SENP7: variants seen among roughly 807,000 people sequenced by gnomAD.
SENP7 encodes sentrin-specific protease 7.
Under a neutral mutation model 141.2 loss-of-function variants are expected in SENP7, and 64 were observed. The ratio of observed to expected loss-of-function variants is 0.45; its 90% CI spans 0.37 to 0.56. SENP7 has a LOEUF of 0.56. Ranked by LOEUF, SENP7 falls within the 20% of genes least tolerant of loss-of-function variation. SENP7 has a pLI of 0.00. For synonymous variants in SENP7, 382 were observed against 426.4 expected (o/e 0.90, Z 1.28); for missense variants, 1,025 against 1,212.2 (o/e 0.85, Z 2.29).
In SENP7 at chr3:101,357,460, T is replaced by G; in HGVS notation, c.1623+4255A>C. On this transcript the variant is annotated intron_variant, in intron 11 of 23. Coordinates refer to ENST00000394095, the MANE Select transcript of SENP7 (RefSeq NM_020654.5). ...TGACTACGAAGAGACATAAGATGAT[T>G]GCCAGACCCCCAGTTATATGTTCTC... 2.5e-6 allele frequency: 3 copies of G among 1,179,430 alleles called. No individual in the cohort carries two copies. The East Asian group carries it at 7.2e-5, about 28-fold the overall frequency. 73.1% of individuals were successfully genotyped at this position (1,179,430 alleles called of 1,614,324 possible).
rs1301905405 is a variant in SENP7, at chr3:101,366,906, C to T, written c.979-137G>A. 8.4e-6 allele frequency: 5 copies of T among 594,248 alleles called. No individual in the cohort carries two copies. The East Asian group carries it at 8.7e-5, about 10-fold the overall frequency. 36.8% of individuals were successfully genotyped at this position (594,248 alleles called of 1,614,324 possible). On this transcript the variant is annotated intron_variant, in intron 8 of 23. Coordinates refer to ENST00000394095, the MANE Select transcript of SENP7 (RefSeq NM_020654.5). ...GATAGAAAACTAAACAATTATACTA[C>T]ATTATACTTGCCAATGTCTCCCAAA... is the stretch of plus-strand genomic sequence containing the variant.
intron 4 of SENP7, among the ~76,000 whole-genome samples, chr3:101,447,926 C>G (rs537885282): frequency 1.6e-4 from 24 of 152,244 alleles, no homozygotes; most frequent in African/African-American, 5.8e-4. Context: ...GAAATAAACC[C>G]TAACATTTAC....
intron 4 of SENP7, among the ~76,000 whole-genome samples, chr3:101,439,221 GAGA>G (rs2062531421): frequency 9.8e-6 from 1 of 102,202 alleles, no homozygotes; most frequent in Non-Finnish European, 2.1e-5. Context: ...CTGCCCGGCC[GAGA>G]CCCCGTCTGG....
chr3:101,373,606 TG>T (rs1364741612), intron 6 of SENP7, among the ~76,000 whole-genome samples: 109 of 152,160 alleles, frequency 7.2e-4, no homozygotes, highest in African/African-American at 2.6e-3. Context: ...AAAAGTTATA[TG>T]GTTGTAGAAA....
chr3:101,505,735 G>A (rs2065575529), intron 1 of SENP7, among the ~76,000 whole-genome samples: 1 of 152,092 alleles, frequency 6.6e-6, no homozygotes, highest in Non-Finnish European at 1.5e-5. Context: ...ACTTCTCTGA[G>A]TCTCAGTTTC....
At chr3:101,487,011 A>G (rs1247032239) in intron 3 of SENP7, among the ~76,000 whole-genome samples, 2 of 152,240 alleles carry the variant, frequency 1.3e-5, no homozygotes, top group Non-Finnish European at 2.9e-5. Flanking sequence ...CAGCAGTTAA[A>G]AGAGACAAAG....
intron 11 of SENP7, among the ~76,000 whole-genome samples, chr3:101,360,893 G>A (rs1000324020): frequency 6.6e-6 from 1 of 152,090 alleles, no homozygotes; most frequent in African/African-American, 2.4e-5. Context: ...ATTTTAAAAG[G>A]TCAAAATGGT....
At chr3:101,338,345 C>T (rs1285096174) in intron 16 of SENP7, among the ~76,000 whole-genome samples, 4 of 151,958 alleles carry the variant, frequency 2.6e-5, no homozygotes, top group African/African-American at 9.7e-5. Context: ...GAAATTGTGA[C>T]ACTGCTAAAC....
At chr3:101,481,213 C>G (rs914923652) in intron 3 of SENP7, among the ~76,000 whole-genome samples, 5 of 152,032 alleles carry the variant, frequency 3.3e-5, no homozygotes, top group Admixed American at 3.3e-4. Flanking sequence ...CTACTCACAA[C>G]AGCAATGATA....
chr3:101,464,625 G>T (rs1353155407), intron 3 of SENP7, among the ~76,000 whole-genome samples: 2 of 151,872 alleles, frequency 1.3e-5, no homozygotes, highest in African/African-American at 4.8e-5. Flanking sequence ...ATCAAGCTCA[G>T]GTCTCCCACT....
intron 17 of SENP7, among the ~76,000 whole-genome samples, chr3:101,335,041 C>A (rs1401072290): frequency 1.3e-5 from 2 of 152,144 alleles, no homozygotes; most frequent in African/African-American, 4.8e-5. Context: ...TCCCTAACTT[C>A]ATGTAGCTTC....
intron 18 of SENP7, 120 bp downstream of exon 18, chr3:101,332,650 A>T (rs946691441): frequency 3.6e-6 from 2 of 560,804 alleles, no homozygotes; most frequent in African/African-American, 3.9e-5. Flanking sequence ...ATTTAAAAAA[A>T]TTAAAATAAT....
In SENP7 at chr3:101,390,342, GAAAAA is replaced by G. The variant is rs375807905; in HGVS notation, c.677+8514_677+8518del. 7.5e-3 allele frequency among the ~76,000 whole-genome samples: 994 copies of G among 132,204 alleles called. 10 individuals are homozygous for G. Among genetic ancestry groups the G allele is most frequent in the African/African-American group, 0.026 (904 of 35,216 alleles). 86.7% of individuals were successfully genotyped at this position (132,204 alleles called of 152,430 possible). On this transcript the variant is annotated intron_variant, in intron 6 of 23. Coordinates refer to ENST00000394095, the MANE Select transcript of SENP7 (RefSeq NM_020654.5). ...TCACCAATAAAGACATACATTGACC[GAAAAA>G]AAAAAAAAAATACATTCCACACAAA...
At chr3:101,438,926 C>T (rs980268291) in intron 4 of SENP7, among the ~76,000 whole-genome samples, 2 of 139,122 alleles carry the variant, frequency 1.4e-5, no homozygotes, top group African/African-American at 5.1e-5. Flanking sequence ...CCCAAAGTGC[C>T]GAGATTGCAG....
chr3:101,408,542 G>A (rs568724312), intron 5 of SENP7, among the ~76,000 whole-genome samples: 1 of 151,980 alleles, frequency 6.6e-6, no homozygotes, highest in Non-Finnish European at 1.5e-5. Context: ...AACAAAATAT[G>A]AGCTATCTGA....
chr3:101,334,804 G>A (rs1278174439), intron 17 of SENP7, among the ~76,000 whole-genome samples: 3 of 152,144 alleles, frequency 2.0e-5, no homozygotes, highest in African/African-American at 4.8e-5. Flanking sequence ...TTATTTGATT[G>A]AGAATATATT....
intron 6 of SENP7, among the ~76,000 whole-genome samples, chr3:101,393,502 CAAAT>C (rs1345886326): frequency 6.6e-6 from 1 of 151,952 alleles, no homozygotes; most frequent in Non-Finnish European, 1.5e-5. Context: ...AAAAAGAAAA[CAAAT>C]AATCCAATTT....
intron 3 of SENP7, among the ~76,000 whole-genome samples, chr3:101,469,298 A>G (rs2063884819): frequency 6.6e-6 from 1 of 152,096 alleles, no homozygotes; most frequent in Non-Finnish European, 1.5e-5. Context: ...CCACACAACA[A>G]TAATGAGAGA....
At chr3:101,388,854 AC>A (rs1325385795) in intron 6 of SENP7, among the ~76,000 whole-genome samples, 1 of 152,046 alleles carries the variant, frequency 6.6e-6, no homozygotes. Context: ...AATTAATGAA[AC>A]AAAAAATACA....
Sources: gnomAD v4.1 joint callset for allele counts (sites outside exome capture counted in the v4.1 genomes callset) on GRCh38, gnomAD v4.1.1 for gene constraint, MANE v1.5 for transcripts, NCBI Gene and HGNC (gene_info 2026-07-23, HGNC 2026-07-21) for gene names.